The following CSMD1 variants were observed in gnomAD, a reference collection of about 807,000 sequenced individuals.
CSMD1 encodes the protein CUB and sushi domain-containing protein 1.
Under a neutral mutation model 417.5 loss-of-function variants are expected in CSMD1, and 213 were observed. The observed-to-expected ratio is 0.51, with a 90% CI of 0.46 to 0.57. The LOEUF is 0.57. Among genes scored for constraint, CSMD1 ranks in the 20% least tolerant of loss-of-function variants. The probability of loss-of-function intolerance (pLI) is 0.00; values close to 1 mark genes in which losing one functional copy is unlikely to be tolerated. For missense variants in CSMD1, 6,923 were observed against 4,529.7 expected, an observed-to-expected ratio of 1.53 and a Z score of -15.17; for synonymous variants, 2,862 against 1,736.8, an observed-to-expected ratio of 1.65 and a Z score of -16.11.
intron 3 of CSMD1, among the ~76,000 whole-genome samples, chr8:4,304,152 A>T (rs566063363): frequency 1.3e-5 from 2 of 152,326 alleles, no homozygotes; most frequent in South Asian, 4.1e-4. Context: ...AAATAAAACA[A>T]TTAGAAGGAC....
chr8:3,720,390 T>C (rs1290118592), intron 6 of CSMD1, among the ~76,000 whole-genome samples: 1 of 152,202 alleles, frequency 6.6e-6, no homozygotes, highest in Non-Finnish European at 1.5e-5. Flanking sequence ...ATGGGAATAA[T>C]AAAAGCTGTC....
intron 7 of CSMD1, among the ~76,000 whole-genome samples, chr8:3,705,712 G>C (rs554371665): frequency 6.6e-6 from 1 of 152,186 alleles, no homozygotes; most frequent in Non-Finnish European, 1.5e-5. Flanking sequence ...GTTGGGGAAA[G>C]GATTATATCA....
intron 37 of CSMD1, among the ~76,000 whole-genome samples, chr8:3,168,204 C>T (rs536516375): frequency 6.6e-6 from 1 of 152,066 alleles, no homozygotes; most frequent in South Asian, 2.1e-4. Context: ...CATACAGACA[C>T]CTGAGTATTC....
At chr8:4,821,866 C>T (rs780331063) in intron 1 of CSMD1, among the ~76,000 whole-genome samples, 1 of 152,184 alleles carries the variant, frequency 6.6e-6, no homozygotes, top group Non-Finnish European at 1.5e-5. Context: ...ACTGCCTCCA[C>T]ACGCTTCTGC....
chr8:4,327,008 G>A (rs1475303313), intron 3 of CSMD1, among the ~76,000 whole-genome samples: 3 of 152,068 alleles, frequency 2.0e-5, no homozygotes, highest in Admixed American at 1.3e-4. Context: ...GAAAGAATTG[G>A]GAGAACCAGA....
At chr8:4,760,653 A>G (rs754426172) in intron 1 of CSMD1, among the ~76,000 whole-genome samples, 7 of 152,240 alleles carry the variant, frequency 4.6e-5, no homozygotes, top group Non-Finnish European at 8.8e-5. Flanking sequence ...TGCTGGTATC[A>G]TGAGTAACAT....
intron 10 of CSMD1, among the ~76,000 whole-genome samples, chr8:3,504,452 T>C (rs1048488980): frequency 6.6e-6 from 1 of 152,190 alleles, no homozygotes; most frequent in Non-Finnish European, 1.5e-5. Flanking sequence ...TACTTCTTCT[T>C]GGCATCCAGC....
intron 7 of CSMD1, among the ~76,000 whole-genome samples, chr8:3,635,236 G>A (rs930813585): frequency 1.3e-5 from 2 of 152,046 alleles, no homozygotes; most frequent in Admixed American, 6.5e-5. Flanking sequence ...AGCACTTTCA[G>A]AATCCTAGGT....
chr8:4,785,339 T>A (rs1178316864), intron 1 of CSMD1, among the ~76,000 whole-genome samples: 1 of 152,144 alleles, frequency 6.6e-6, no homozygotes. Context: ...ACTTTGCTCT[T>A]AGGCTGATGG....
chr8:4,795,252 CTTTTTTTTTTTTTTTTTTTTTT>C (rs571984359), intron 1 of CSMD1, among the ~76,000 whole-genome samples: 7 of 46,226 alleles, frequency 1.5e-4, no homozygotes, highest in African/African-American at 4.3e-4. Context: ...GGTGTCATAG[CTTTTTTTTTTTTTTTTTTTTTT>C]TTTTTTTTTT....
At chr8:4,170,706 T>A (rs961199601) in intron 3 of CSMD1, among the ~76,000 whole-genome samples, 9 of 151,796 alleles carry the variant, frequency 5.9e-5, no homozygotes, top group Non-Finnish European at 8.8e-5. Context: ...TAAACTGATA[T>A]AGCTAGCATG....
intron 3 of CSMD1, among the ~76,000 whole-genome samples, chr8:4,391,561 TG>T (rs1463700810): frequency 6.6e-6 from 1 of 151,966 alleles, no homozygotes; most frequent in African/African-American, 2.4e-5. Context: ...AGGTAAGACT[TG>T]GCCAGTGACT....
At chr8:4,875,413 C>T (rs1312117545) in intron 1 of CSMD1, among the ~76,000 whole-genome samples, 3 of 151,984 alleles carry the variant, frequency 2.0e-5, no homozygotes, top group African/African-American at 7.3e-5. Flanking sequence ...AATTGTTAAA[C>T]AGGGGAGGGA....
chr8:4,467,921 T>C (rs1362711272), intron 2 of CSMD1, among the ~76,000 whole-genome samples: 3 of 152,188 alleles, frequency 2.0e-5, no homozygotes, highest in Non-Finnish European at 2.9e-5. Flanking sequence ...ATCCAAACAG[T>C]TGGAATTCCA....
At chr8:4,033,705 C>G (rs188662060) in intron 3 of CSMD1, among the ~76,000 whole-genome samples, 43 of 152,292 alleles carry the variant, frequency 2.8e-4, no homozygotes, top group East Asian at 2.7e-3. Context: ...AAATATTTTA[C>G]ACAGTTTGAC....
rs930108502 is a variant in CSMD1 at position 3,240,446 on chromosome 8, G to T, written c.4154-10215C>A. Among the ~76,000 whole-genome samples the T allele has an allele frequency of 2.0e-5, 3 of 152,240 alleles. No homozygotes were observed. The South Asian group carries it at 6.2e-4, about 32-fold the overall frequency. On this transcript the variant is annotated intron_variant, in intron 26 of 69. Transcript: ENST00000635120. ...GGAAAGGAGTTGTTGTTTTATAGGT[G>T]TTGGGGTTTGAGAGATCAGCTGAAC...
At chr8:3,284,048 T>C in intron 26 of CSMD1, 96 bp downstream of exon 26, 1 of 1,022,816 alleles carries the variant, frequency 9.8e-7, no homozygotes, top group South Asian at 1.4e-5. Context: ...ATTGCATCTG[T>C]GTAAGGAGAC....
chr8:4,106,490 C>A (rs556961306), intron 3 of CSMD1, among the ~76,000 whole-genome samples: 2 of 152,176 alleles, frequency 1.3e-5, no homozygotes, highest in South Asian at 4.1e-4. Flanking sequence ...TCTTGAGTAA[C>A]CCTGTTCAAT....
At chr8:4,636,935 A>T (rs1019663538) in intron 2 of CSMD1, among the ~76,000 whole-genome samples, 2 of 152,124 alleles carry the variant, frequency 1.3e-5, no homozygotes, top group Non-Finnish European at 2.9e-5. Context: ...AAAATGCACC[A>T]ATCAGCGCTC....
Sources: gnomAD v4.1 joint callset for allele counts (sites outside exome capture counted in the v4.1 genomes callset) on GRCh38, gnomAD v4.1.1 for gene constraint, MANE v1.5 for transcripts, NCBI Gene and HGNC (gene_info 2026-07-23, HGNC 2026-07-21) for gene names.